The following TUSC3 variants were observed in gnomAD, a reference collection of about 807,000 sequenced individuals.
TUSC3 encodes the protein dolichyl-diphosphooligosaccharide--protein glycosyltransferase subunit TUSC3.
TUSC3 carries 45 observed loss-of-function variants against 44.8 expected under a neutral mutation model. The observed-to-expected ratio is 1.00, with a 90% CI of 0.79 to 1.29. TUSC3 has a LOEUF of 1.29. Ranked by LOEUF, TUSC3 falls within the 50% of genes most tolerant of loss-of-function variation. The probability of loss-of-function intolerance (pLI) is 0.00; values close to 1 mark genes in which losing one functional copy is unlikely to be tolerated. For synonymous variants in TUSC3, 212 were observed against 152.9 expected (o/e 1.39, Z -2.85); for missense variants, 519 against 437.9 (o/e 1.19, Z -1.65).
the TUSC3 span, chr8:15,806,080 G>C: frequency 3.2e-3 from 955 of 297,256 alleles, 8 homozygotes; most frequent in African/African-American, 0.019. Flanking sequence ...ATGTTAAAAG[G>C]TTCAACAAAG....
the TUSC3 span, chr8:15,807,045 G>C: frequency 2.8e-6 from 4 of 1,420,902 alleles, no homozygotes; most frequent in East Asian, 9.2e-5. Flanking sequence ...CTGGTTATCG[G>C]CGATGTGATC....
intron 1 of TUSC3, among the ~76,000 whole-genome samples, chr8:15,471,040 A>G (rs1231924901): frequency 6.6e-6 from 1 of 152,206 alleles, no homozygotes; most frequent in Non-Finnish European, 1.5e-5. Context: ...GCAAGACAAT[A>G]AAGGATGCAG....
rs139981206 is a variant in TUSC3 at position 15,572,196 on chromosome 8, C to T, written c.138+31628C>T. Among the ~76,000 whole-genome samples the T allele has an allele frequency of 6.8e-4, 103 of 152,314 alleles. 1 individual carries two copies. Among genetic ancestry groups the T allele is most frequent in the South Asian group, 1.7e-3 (8 of 4,822 alleles). ...AACATCCGTTGTTTAGTATACCCGT[C>T]TCCATCAATTATGCTAGCTAAATCT... On this transcript the variant is annotated intron_variant, in intron 1 of 10. Transcript: ENST00000503731.
At chr8:15,596,567 A>C (rs985607462) in intron 1 of TUSC3, among the ~76,000 whole-genome samples, 1 of 152,098 alleles carries the variant, frequency 6.6e-6, no homozygotes, top group African/African-American at 2.4e-5. Flanking sequence ...AATGACTATA[A>C]TTTTCAGATA....
chr8:15,544,752 AAC>A (rs991651211), intron 1 of TUSC3, among the ~76,000 whole-genome samples: 2 of 151,818 alleles, frequency 1.3e-5, no homozygotes, highest in African/African-American at 4.8e-5. Flanking sequence ...TTGCAGTGAT[AAC>A]ACAGGAAATC....
At chr8:15,770,815 G>A (rs7842027), downstream of TUSC3, among the ~76,000 whole-genome samples, 67,435 of 151,700 alleles carry the variant, frequency 0.44, 15,444 homozygotes, top group Non-Finnish European at 0.51. Flanking sequence ...ATAAATACGA[G>A]TCCCAGAAGA....
chr8:15,638,515 C>CTTTTTT (rs547743726), intron 2 of TUSC3, among the ~76,000 whole-genome samples: 24 of 81,082 alleles, frequency 3.0e-4, no homozygotes, highest in African/African-American at 4.1e-4. Flanking sequence ...TTCTTTTTTT[C>CTTTTTT]TTTTTTTTTT....
At chr8:15,646,003 C>A (rs1174639307) in intron 2 of TUSC3, among the ~76,000 whole-genome samples, 23 of 152,080 alleles carry the variant, frequency 1.5e-4, no homozygotes. Flanking sequence ...TATCATTATA[C>A]CTTTATTAAA....
chr8:15,678,703 T>A (rs1229026950), intron 6 of TUSC3, among the ~76,000 whole-genome samples: 1 of 152,174 alleles, frequency 6.6e-6, no homozygotes, highest in Admixed American at 6.5e-5. Context: ...CAAGAGTATA[T>A]TGTGTGATGC....
chr8:15,530,143 A>C (rs541353552), intron 2 of TUSC3, among the ~76,000 whole-genome samples: 15 of 152,086 alleles, frequency 9.9e-5, no homozygotes, highest in African/African-American at 3.6e-4. Flanking sequence ...TATGGGGCTG[A>C]AGTCTCTGCT....
intron 1 of TUSC3, among the ~76,000 whole-genome samples, chr8:15,574,405 T>C (rs1480928674): frequency 5.9e-5 from 9 of 152,168 alleles, no homozygotes; most frequent in Admixed American, 5.9e-4. Flanking sequence ...ACTTACATTC[T>C]TATTACATGT....
chr8:15,456,056 A>G (rs913888237), intron 1 of TUSC3, among the ~76,000 whole-genome samples: 1 of 152,184 alleles, frequency 6.6e-6, no homozygotes, highest in East Asian at 1.9e-4. Flanking sequence ...TTCAATGTGT[A>G]GGAGGATCAT....
chr8:15,530,110 T>G (rs572682433), intron 2 of TUSC3, among the ~76,000 whole-genome samples: 34 of 152,090 alleles, frequency 2.2e-4, no homozygotes, highest in African/African-American at 7.5e-4. Flanking sequence ...ACTCCTGTAT[T>G]ACATCATATA....
chr8:15,782,292 G>A, the TUSC3 span, among the ~76,000 whole-genome samples: 1 of 152,086 alleles, frequency 6.6e-6, no homozygotes, highest in Non-Finnish European at 1.5e-5. Context: ...CGGTGACATA[G>A]CAAGACTCCA....
chr8:15,685,997 C>T (rs1036076211), intron 6 of TUSC3, among the ~76,000 whole-genome samples: 1 of 151,710 alleles, frequency 6.6e-6, no homozygotes, highest in Non-Finnish European at 1.5e-5. Context: ...TAAATGAATA[C>T]AGAGAATATA....
At chr8:15,730,794 A>C in intron 7 of TUSC3, 65 bp downstream of exon 7, 1 of 1,509,638 alleles carries the variant, frequency 6.6e-7, no homozygotes, top group Non-Finnish European at 9.2e-7. Flanking sequence ...TTAAATTGAC[A>C]TTTTTCCTGG....
chr8:15,811,703 G>C, the TUSC3 span, among the ~76,000 whole-genome samples: 64 of 152,286 alleles, frequency 4.2e-4, no homozygotes, highest in African/African-American at 1.5e-3. Context: ...GGTGAAGGAA[G>C]TGAATAGGTG....
chr8:15,577,905 A>C (rs544320190), intron 1 of TUSC3, among the ~76,000 whole-genome samples: 6 of 151,066 alleles, frequency 4.0e-5, no homozygotes, highest in African/African-American at 1.2e-4. Context: ...TACCTTGGGC[A>C]GTACGGCCAT....
chr8:15,690,531 T>C (rs183920815), intron 6 of TUSC3, among the ~76,000 whole-genome samples: 4 of 152,326 alleles, frequency 2.6e-5, no homozygotes, highest in Admixed American at 2.6e-4. Flanking sequence ...AATTTTTCTT[T>C]TTCTTGGAGT....
Sources: gnomAD v4.1 joint callset for allele counts (sites outside exome capture counted in the v4.1 genomes callset) on GRCh38, gnomAD v4.1.1 for gene constraint, MANE v1.5 for transcripts, NCBI Gene and HGNC (gene_info 2026-07-23, HGNC 2026-07-21) for gene names.